Variants in SLC38A2 observed in about 807,000 individuals in gnomAD.
SLC38A2 encodes sodium-coupled neutral amino acid symporter 2.
Under a neutral mutation model 61.5 loss-of-function variants are expected in SLC38A2, and 11 were observed. That is an observed-to-expected ratio of 0.18 (90% CI 0.11 to 0.30). SLC38A2 has a LOEUF of 0.30. Ranked by LOEUF, SLC38A2 falls within the 10% of genes least tolerant of loss-of-function variation. SLC38A2 has a pLI of 1.00. For missense variants in SLC38A2, 522 were observed against 600.4 expected, an observed-to-expected ratio of 0.87 and a Z score of 1.36; for synonymous variants, 217 against 212.5, an observed-to-expected ratio of 1.02 and a Z score of -0.18.
At position 46,364,016 on chromosome 12, in the gene SLC38A2, G is replaced by A. The variant is rs771777880; in HGVS notation, c.874-13C>T. ...CAGCATAGACAGTCTGAAAGAAAAC[G>A]TAAAAATCTACTTAATCTGATGTAA... is the stretch of plus-strand genomic sequence containing the variant. On this transcript the variant is annotated splice_polypyrimidine_tract_variant and intron_variant, in intron 10 of 15. Coordinates refer to ENST00000256689, the MANE Select transcript of SLC38A2 (RefSeq NM_018976.5). 14 of 1,593,632 alleles carry A rather than the reference G, an allele frequency of 8.8e-6. No individual in the cohort carries two copies. Among genetic ancestry groups the A allele is most frequent in the African/African-American group, 6.8e-5 (5 of 73,780 alleles).
chr12:46,361,637 T>C (rs914960414), intron 15 of SLC38A2, among the ~76,000 whole-genome samples: 1 of 152,158 alleles, frequency 6.6e-6, no homozygotes, highest in African/African-American at 2.4e-5. Context: ...ACTGCCACTA[T>C]GTAATTTAGA....
Position 46,371,384 on chromosome 12 carries a change from GA to G in SLC38A2, c.-86-6del. 9.8e-7 allele frequency: 1 copy of G among 1,016,286 alleles called. No homozygotes were observed. 63.0% of individuals were successfully genotyped at this position (1,016,286 alleles called of 1,614,324 possible). On this transcript the variant is annotated splice_polypyrimidine_tract_variant and splice_region_variant and intron_variant, in intron 1 of 15. Transcript: ENST00000256689. ...TGCAGCGGCCCGCGAGTCGGCCTGC[GA>G]AAGTAGAGGCGGCGCGTCAGGACCG...
intron 7 of SLC38A2, among the ~76,000 whole-genome samples, chr12:46,366,334 C>A (rs991761589): frequency 9.2e-5 from 14 of 152,020 alleles, no homozygotes; most frequent in African/African-American, 3.4e-4. Flanking sequence ...AAACCCATAG[C>A]CTAAAGGTGA....
intron 6 of SLC38A2, 40 bp from the exon 7 acceptor site, chr12:46,366,985 G>A (rs775055722): frequency 1.5e-5 from 24 of 1,607,538 alleles, no homozygotes; most frequent in East Asian, 1.1e-4. Flanking sequence ...AGTGCAAAAC[G>A]CGGCACGTGA....
intron 2 of SLC38A2, 114 bp from the exon 3 acceptor site, chr12:46,370,971 TTTAC>T (rs1399962482): frequency 8.0e-6 from 7 of 874,518 alleles, no homozygotes; most frequent in East Asian, 2.6e-5. Flanking sequence ...ATACAACATC[TTTAC>T]TTAATGTATA....
At chr12:46,371,529 G>A (rs1040788749) in intron 1 of SLC38A2, 150 bp from the exon 2 acceptor site, 4 of 501,744 alleles carry the variant, frequency 8.0e-6, no homozygotes, top group African/African-American at 2.1e-5. Flanking sequence ...CGCGCCGAGG[G>A]GCGGAAAAGT....
At position 46,364,939 on chromosome 12, in the gene SLC38A2, T is replaced by C. The variant is rs146672362; in HGVS notation, c.646+168A>G. ...ATTATTTCTTACAAAGCACAACATATAGTGTCAATTAAATATTTTGGCTCC... is the reference window on the plus strand; with the variant it reads ...ATTATTTCTTACAAAGCACAACATACAGTGTCAATTAAATATTTTGGCTCC... On this transcript the variant is annotated intron_variant, in intron 8 of 15. Transcript: ENST00000256689. 103 of 714,754 alleles carry C rather than the reference T, an allele frequency of 1.4e-4. No individual in the cohort carries two copies. The African/African-American group carries it at 1.7e-3, about 12-fold the overall frequency. The allele number at this position is 714,754 out of a possible 1,614,324, so 44.3% of individuals were successfully genotyped here.
At chr12:46,367,917 G>C (rs1943155548) in intron 4 of SLC38A2, among the ~76,000 whole-genome samples, 1 of 152,068 alleles carries the variant, frequency 6.6e-6, no homozygotes, top group African/African-American at 2.4e-5. Flanking sequence ...ATGACTGCTT[G>C]AGGCCAGGAG....
chr12:46,368,320 T>C (rs1242679338), intron 4 of SLC38A2, among the ~76,000 whole-genome samples: 1 of 152,158 alleles, frequency 6.6e-6, no homozygotes, highest in African/African-American at 2.4e-5. Flanking sequence ...CTAGAACAAG[T>C]AGGCTATCAG....
rs1228380730 is a variant in SLC38A2 at position 46,360,196 on chromosome 12, CCT to C, written c.*913_*914del. The C allele has an allele frequency of 6.6e-6, 1 of 152,562 alleles. No homozygotes were observed. The highest frequency in any genetic ancestry group is 2.4e-5 in the African/African-American group (1 of 41,434). 9.5% of individuals were successfully genotyped at this position (152,562 alleles called of 1,614,324 possible). ...TGGAGACAGATGCAACTGAATAAACCCTGTTTTACCCAATTGCACTATTTGGT... is the reference window on the plus strand; with the variant it reads ...TGGAGACAGATGCAACTGAATAAACCGTTTTACCCAATTGCACTATTTGGT... On this transcript the variant is annotated 3_prime_UTR_variant, in exon 16 of 16. Coordinates refer to ENST00000256689, the MANE Select transcript of SLC38A2 (RefSeq NM_018976.5).
At chr12:46,367,616 G>A (rs1287218633) in intron 4 of SLC38A2, among the ~76,000 whole-genome samples, 2 of 152,252 alleles carry the variant, frequency 1.3e-5, no homozygotes, top group Admixed American at 6.5e-5. Flanking sequence ...ATGAGACACT[G>A]GAAAGCTCAA....
chr12:46,371,607 T>C, intron 1 of SLC38A2: 1 of 333,228 alleles, frequency 3.0e-6, no homozygotes, highest in Non-Finnish European at 5.5e-6. Context: ...CGAGGCCCCC[T>C]ACTCCGGCAG....
chr12:46,371,162 TC>T lies in SLC38A2; in HGVS notation c.116+15del, dbSNP rs1377381711. ...CATGCAAGCCGTTTTTTCAAAAGTG[TC>T]ACAACTTCTCCCACCTTTTCAGAGC... On this transcript the variant is annotated intron_variant, in intron 2 of 15. Transcript: ENST00000256689. 1 of 1,612,272 alleles carries T rather than the reference TC, an allele frequency of 6.2e-7. No homozygotes were observed. Among genetic ancestry groups the T allele is most frequent in the African/African-American group, 1.3e-5 (1 of 74,884 alleles).
intron 7 of SLC38A2, 49 bp downstream of exon 7, chr12:46,366,815 C>T: frequency 6.8e-7 from 1 of 1,481,062 alleles, no homozygotes; most frequent in South Asian, 1.2e-5. Flanking sequence ...TGTATCTAAC[C>T]ACTTTTGACT....
intron 1 of SLC38A2, chr12:46,372,215 T>C (rs1943211548): frequency 6.4e-6 from 1 of 155,396 alleles, no homozygotes; most frequent in Non-Finnish European, 1.4e-5. Context: ...TCACAAGACT[T>C]GCCGCAGCAG....
Position 46,367,345 on chromosome 12 carries a change from TGA to T in SLC38A2, c.315-7_315-6del. ...GACACAAATGTCAAGAGAATTCTGGTGAGAGAAGGAAAAGGCATAGGGTTATA... is the reference window on the plus strand; with the variant it reads ...GACACAAATGTCAAGAGAATTCTGGTGAGAAGGAAAAGGCATAGGGTTATA... On this transcript the variant is annotated splice_polypyrimidine_tract_variant and splice_region_variant and intron_variant, in intron 4 of 15. Transcript: ENST00000256689. 6.7e-7 allele frequency: 1 copy of T among 1,484,036 alleles called. No individual in the cohort carries two copies. The highest frequency in any genetic ancestry group is 2.3e-5 in the East Asian group (1 of 44,104). The allele number at this position is 1,484,036 out of a possible 1,614,324, so 91.9% of individuals were successfully genotyped here.
intron 7 of SLC38A2, among the ~76,000 whole-genome samples, chr12:46,365,565 G>A (rs1943131001): frequency 6.6e-6 from 1 of 152,030 alleles, no homozygotes; most frequent in African/African-American, 2.4e-5. Context: ...ACCAACTTTG[G>A]TACAGCTTTA....
At chr12:46,365,305 C>T (rs1943128420) in intron 7 of SLC38A2, 116 bp from the exon 8 acceptor site, 2 of 867,460 alleles carry the variant, frequency 2.3e-6, no homozygotes, top group South Asian at 1.5e-5. Flanking sequence ...ACAAAAAAGA[C>T]ATGTTTGGAA....
intron 6 of SLC38A2, 47 bp from the exon 7 acceptor site, chr12:46,366,992 G>A (rs1426722051): frequency 6.9e-6 from 11 of 1,605,534 alleles, no homozygotes; most frequent in Middle Eastern, 1.6e-4. Flanking sequence ...AACGCGGCAC[G>A]TGACACTAAA....
Sources: allele counts gnomAD v4.1 joint callset (sites outside exome capture counted in the v4.1 genomes callset), GRCh38; gene constraint gnomAD v4.1.1; transcripts MANE v1.5; gene names NCBI Gene and HGNC (gene_info 2026-07-23, HGNC 2026-07-21).